PTPRG: variants seen among roughly 807,000 people sequenced by gnomAD.
PTPRG encodes the protein protein tyrosine phosphatase receptor type G, also known as receptor-type tyrosine-protein phosphatase gamma.
Under a neutral mutation model 165.3 loss-of-function variants are expected in PTPRG, and 102 were observed. The observed-to-expected ratio is 0.62, with a 90% CI of 0.53 to 0.73. The LOEUF is 0.73. PTPRG is among the 30% of genes least tolerant of loss of function. The pLI is 0.00. For synonymous variants in PTPRG, 675 were observed against 669.5 expected (o/e 1.01, Z -0.13); for missense variants, 1,866 against 1,861.4 (o/e 1.00, Z -0.05).
At chr3:61,862,016 C>T (rs1034108737) in intron 2 of PTPRG, among the ~76,000 whole-genome samples, 2 of 152,144 alleles carry the variant, frequency 1.3e-5, no homozygotes, top group African/African-American at 4.8e-5. Flanking sequence ...GGGTCTCCAA[C>T]TCCACGGATT....
rs551634425 is a variant in PTPRG at position 62,192,813 on chromosome 3, A to G, written c.1218+1160A>G. ...ATCAAAGGAAGGCTCTGGAATAATG[A>G]AACCCGTAATTGTATATGCACATGA... On this transcript the variant is annotated intron_variant, in intron 9 of 29. Coordinates refer to ENST00000474889, the MANE Select transcript of PTPRG (RefSeq NM_002841.4). Among the ~76,000 whole-genome samples, 9 of 152,312 alleles carry G rather than the reference A, an allele frequency of 5.9e-5. No individual in the cohort carries two copies. The South Asian group carries it at 1.7e-3, about 28-fold the overall frequency.
intron 2 of PTPRG, among the ~76,000 whole-genome samples, chr3:61,861,997 A>G (rs1179955687): frequency 1.3e-5 from 2 of 152,140 alleles, no homozygotes; most frequent in East Asian, 3.9e-4. Context: ...TCATCATGTA[A>G]TAATACAGGG....
intron 1 of PTPRG, among the ~76,000 whole-genome samples, chr3:61,650,468 A>G (rs1702320129): frequency 6.6e-6 from 1 of 152,212 alleles, no homozygotes; most frequent in Non-Finnish European, 1.5e-5. Flanking sequence ...CCCGGCCAGG[A>G]GAAGGGAAAC....
At chr3:62,051,041 A>G (rs532617667) in intron 4 of PTPRG, among the ~76,000 whole-genome samples, 93 of 152,346 alleles carry the variant, frequency 6.1e-4, no homozygotes, top group Middle Eastern at 3.4e-3. Flanking sequence ...GAAGTTGGTT[A>G]CTAAGTGGCG....
chr3:62,267,194 GTTTTACA>G (rs1290712976), intron 17 of PTPRG, among the ~76,000 whole-genome samples: 1 of 152,056 alleles, frequency 6.6e-6, no homozygotes, highest in Admixed American at 6.6e-5. Context: ...ATTTGTAATA[GTTTTACA>G]TGAGTTTGCA....
chr3:62,286,410 G>A (rs944308709), intron 28 of PTPRG, among the ~76,000 whole-genome samples: 3 of 152,040 alleles, frequency 2.0e-5, no homozygotes, highest in African/African-American at 7.2e-5. Context: ...ACTCTGGATA[G>A]CAATCTTGGT....
intron 2 of PTPRG, chr3:61,771,015 A>G (rs1424512994): frequency 6.6e-6 from 1 of 152,174 alleles, no homozygotes; most frequent in Non-Finnish European, 1.5e-5. Flanking sequence ...CTCCCAAGAC[A>G]GCTACATCTC....
chr3:62,214,348 A>G lies in PTPRG; in HGVS notation c.2156-4503A>G, dbSNP rs916353396. 1.5e-4 allele frequency among the ~76,000 whole-genome samples: 23 copies of G among 152,220 alleles called. No individual in the cohort carries two copies. Among genetic ancestry groups the G allele is most frequent in the Non-Finnish European group, 2.8e-4 (19 of 68,038 alleles). ...TGTTGCCGAAGCTGGGGTGGTGGTG[A>G]TGACAATAATCACAATAGTTAACAT... On this transcript the variant is annotated intron_variant, in intron 12 of 29. Transcript: ENST00000474889. This position sits in a 1 kb window ranked among gnomAD's most constrained non-coding sequence, Gnocchi z 5.2.
chr3:62,127,251 A>C, intron 5 of PTPRG, among the ~76,000 whole-genome samples: 1 of 152,242 alleles, frequency 6.6e-6, no homozygotes, highest in South Asian at 2.1e-4. Flanking sequence ...TCTGACAGCA[A>C]CGTGAACCAA....
intron 1 of PTPRG, among the ~76,000 whole-genome samples, chr3:61,697,901 A>T (rs2030702022): frequency 6.6e-6 from 1 of 152,114 alleles, no homozygotes; most frequent in South Asian, 2.1e-4. Context: ...TCAGAGGGAG[A>T]GGGAAAATTC....
chr3:61,856,593 C>T (rs2037112850), intron 2 of PTPRG, among the ~76,000 whole-genome samples: 1 of 152,104 alleles, frequency 6.6e-6, no homozygotes, highest in African/African-American at 2.4e-5. Flanking sequence ...TATTTTGATT[C>T]ATTTTCTGCA....
intron 1 of PTPRG, among the ~76,000 whole-genome samples, chr3:61,729,952 GATTA>G (rs1184759677): frequency 6.6e-6 from 1 of 152,162 alleles, no homozygotes; most frequent in Admixed American, 6.5e-5. Context: ...TATAATGATT[GATTA>G]GTTTCATGGC....
chr3:61,764,711 C>T (rs983737301), intron 2 of PTPRG, among the ~76,000 whole-genome samples: 5 of 152,152 alleles, frequency 3.3e-5, no homozygotes, highest in African/African-American at 1.2e-4. Context: ...AATGTTATAC[C>T]TTAAACTACT....
At chr3:61,975,186 T>C (rs754117773) in intron 2 of PTPRG, among the ~76,000 whole-genome samples, 7 of 152,308 alleles carry the variant, frequency 4.6e-5, no homozygotes, top group Non-Finnish European at 1.0e-4. Context: ...TAATAAAGAA[T>C]TGGTGTGAAG....
At chr3:62,087,858 A>G (rs1184222603) in intron 5 of PTPRG, among the ~76,000 whole-genome samples, 3 of 152,152 alleles carry the variant, frequency 2.0e-5, no homozygotes, top group African/African-American at 4.8e-5. Context: ...ACTTAAAATT[A>G]TGTTCTTCTT....
intron 1 of PTPRG, among the ~76,000 whole-genome samples, chr3:61,587,002 C>T (rs75320420): frequency 1.6e-3 from 247 of 152,284 alleles, no homozygotes; most frequent in African/African-American, 5.8e-3. Flanking sequence ...TGGCCCATTG[C>T]AGGGGCCACT....
intron 5 of PTPRG, among the ~76,000 whole-genome samples, chr3:62,102,693 ACT>A (rs1444144293): frequency 2.6e-5 from 4 of 151,708 alleles, no homozygotes; most frequent in Non-Finnish European, 2.9e-5. Flanking sequence ...AATCATCACT[ACT>A]CTCTGCCGGT....
intron 1 of PTPRG, among the ~76,000 whole-genome samples, chr3:61,745,069 T>TTTTTTTTTTA (rs2033145578): frequency 2.0e-5 from 3 of 149,914 alleles, no homozygotes; most frequent in Non-Finnish European, 3.0e-5. Flanking sequence ...TTTTTTTTTT[T>TTTTTTTTTTA]GAGACGGAGT....
At chr3:61,981,154 G>A (rs548188927) in intron 2 of PTPRG, among the ~76,000 whole-genome samples, 17 of 152,012 alleles carry the variant, frequency 1.1e-4, no homozygotes, top group Middle Eastern at 3.4e-3. Context: ...AGCACAGGGG[G>A]AGACCCCTTA....
Sources: allele counts gnomAD v4.1 joint callset (sites outside exome capture counted in the v4.1 genomes callset), GRCh38; gene constraint gnomAD v4.1.1; non-coding constraint Gnocchi (gnomAD v3.1); transcripts MANE v1.5; gene names NCBI Gene and HGNC (gene_info 2026-07-23, HGNC 2026-07-21).